PKHD1L1: variants seen among roughly 807,000 people sequenced by gnomAD.
PKHD1L1 encodes the protein fibrocystin-L.
A neutral mutation model predicts 462.9 loss-of-function variants in PKHD1L1; 434 were observed. The ratio of observed to expected loss-of-function variants is 0.94; its 90% CI spans 0.87 to 1.02. PKHD1L1 has a LOEUF of 1.02. PKHD1L1 is among the 50% of genes least tolerant of loss of function. The pLI is 0.00. For missense variants in PKHD1L1, 5,202 were observed against 5,096.1 expected (o/e 1.02, Z -0.63); for synonymous variants, 1,781 against 1,750.0 (o/e 1.02, Z -0.44).
intron 62 of PKHD1L1, among the ~76,000 whole-genome samples, chr8:109,493,093 A>T (rs1818912788): frequency 6.6e-6 from 1 of 151,262 alleles, no homozygotes; most frequent in East Asian, 1.9e-4. Context: ...GCTACTTGGG[A>T]GGTTGAGTTA....
intron 2 of PKHD1L1, 77 bp downstream of exon 2, chr8:109,364,713 G>A: frequency 2.1e-6 from 2 of 946,992 alleles, no homozygotes; most frequent in Non-Finnish European, 3.1e-6. Context: ...GAGCTTTATG[G>A]ACAAACAAAC....
At position 109,442,167 on chromosome 8, in the gene PKHD1L1, C is replaced by A. The variant is rs750031351; in HGVS notation, c.4365C>A (p.Phe1455Leu). 4 of 1,612,286 alleles carry A rather than the reference C, an allele frequency of 2.5e-6. No individual in the cohort carries two copies. In the South Asian group the frequency reaches 4.4e-5, roughly 18 times the overall value. ...GTGTAATTTATGATGGCAAAGGATT[C>A]ACAAGTGGAAGACAAAAATCTACAT... is the stretch of plus-strand genomic sequence containing the variant. ...PGSVIYDGKG[F>L]TSGRQKSTSG... The change falls in exon 35 of 78, where the codon TTC becomes TTA. Residue 1455 changes from phenylalanine (F) to leucine (L), a missense_variant. By Grantham distance (22) the Phe-to-Leu change is conservative. Around this residue, in one of 3 missense-constraint regions of PKHD1L1, gnomAD observed 4,497 missense variants for 4,336.8 expected, o/e 1.04. Coordinates refer to ENST00000378402, the MANE Select transcript of PKHD1L1 (RefSeq NM_177531.6).
In PKHD1L1 at chr8:109,481,520, T is replaced by C; in HGVS notation, c.9415T>C (p.Trp3139Arg). The change falls in exon 56 of 78, where the codon TGG (tryptophan) becomes CGG (arginine). Residue 3139 changes from tryptophan (W) to arginine (R), a missense_variant. Physicochemically the swap from Trp to Arg is moderately radical, Grantham distance 101 (BLOSUM62 -3). Coordinates refer to ENST00000378402, the MANE Select transcript of PKHD1L1 (RefSeq NM_177531.6). ...VLRGNHTTQD[W>R]ALPEGPNQGA... is the part of the protein sequence containing the mutation. Reference sequence around the variant, plus strand: ...TAGAGGAAATCATACTACACAAGACTGGGCTCTTCCAGAAGGACCAAATCA... The same window carrying C: ...TAGAGGAAATCATACTACACAAGACCGGGCTCTTCCAGAAGGACCAAATCA... 6.3e-7 allele frequency: 1 copy of C among 1,596,148 alleles called. No homozygotes were observed. Among genetic ancestry groups the C allele is most frequent in the Non-Finnish European group, 8.5e-7 (1 of 1,170,382 alleles).
rs560867644 is a variant in PKHD1L1 at position 109,508,732 on chromosome 8, AT to A, written c.11395+469del. On this transcript the variant is annotated intron_variant, in intron 70 of 77. Coordinates refer to ENST00000378402, the MANE Select transcript of PKHD1L1 (RefSeq NM_177531.6). ...ATGCTCATGAATCTTTGGAAGACTT[AT>A]CTTGCTATCAACATGTTTTTTCGTC... Among the ~76,000 whole-genome samples, 61 of 152,270 alleles carry A rather than the reference AT, an allele frequency of 4.0e-4. No individual in the cohort carries two copies. The South Asian group carries it at 0.012, about 29-fold the overall frequency.
chr8:109,457,019 A>G (rs1782704166), intron 46 of PKHD1L1, among the ~76,000 whole-genome samples: 1 of 152,168 alleles, frequency 6.6e-6, no homozygotes, highest in South Asian at 2.1e-4. Flanking sequence ...CAAATAAGAC[A>G]TAAAAGAAAG....
rs1465927409 is a variant in PKHD1L1 at position 109,530,976 on chromosome 8, T to C, written c.*886T>C. Among the ~76,000 whole-genome samples the C allele has an allele frequency of 6.6e-6, 1 of 152,176 alleles. No homozygotes were observed. Among genetic ancestry groups the C allele is most frequent in the Non-Finnish European group, 1.5e-5 (1 of 68,024 alleles). ...AATGCAAAAAAGCTACAGACTAAGG[T>C]AGCTAAGTTAACCGAACTCTCTAAC... On this transcript the variant is annotated 3_prime_UTR_variant, in exon 78 of 78. Transcript: ENST00000378402.
At position 109,486,952 on chromosome 8, in the gene PKHD1L1, G is replaced by A. The variant is rs1006506428; in HGVS notation, c.9880+131G>A. ...AAAATAAAGCATTAAAAGTGATTATGTAGCCCAGTTTTTACCTTCCAAGTA... is the reference window on the plus strand; with the variant it reads ...AAAATAAAGCATTAAAAGTGATTATATAGCCCAGTTTTTACCTTCCAAGTA... On this transcript the variant is annotated intron_variant, in intron 59 of 77. Coordinates refer to ENST00000378402, the MANE Select transcript of PKHD1L1 (RefSeq NM_177531.6). 11 of 930,716 alleles carry A rather than the reference G, an allele frequency of 1.2e-5. No homozygotes were observed. The African/African-American group carries it at 1.7e-4, about 14-fold the overall frequency. The allele number at this position is 930,716 out of a possible 1,614,324, so 57.7% of individuals were successfully genotyped here.
In PKHD1L1 at chr8:109,520,515, C is replaced by A. The variant is rs139212194; in HGVS notation, c.12032-1671C>A. Among the ~76,000 whole-genome samples, 5 of 152,210 alleles carry A rather than the reference C, an allele frequency of 3.3e-5. No homozygotes were observed. The East Asian group carries it at 9.7e-4, about 29-fold the overall frequency. On this transcript the variant is annotated intron_variant, in intron 73 of 77. Transcript: ENST00000378402. ...AGATTTATCCAGACAGGTATAAGACCACTGAAGAATGTAGAAGTTAGGGAT... is the reference window on the plus strand; with the variant it reads ...AGATTTATCCAGACAGGTATAAGACAACTGAAGAATGTAGAAGTTAGGGAT...
At position 109,429,968 on chromosome 8, in the gene PKHD1L1, TC is replaced by T. The variant is rs1220119637; in HGVS notation, c.3161del (p.Ser1054Ter). 2 of 1,612,110 alleles carry T rather than the reference TC, an allele frequency of 1.2e-6. No individual in the cohort carries two copies. Among genetic ancestry groups the T allele is most frequent in the Non-Finnish European group, 1.7e-6 (2 of 1,179,208 alleles). On this transcript the variant is annotated frameshift_variant, in exon 27 of 78. Coordinates refer to ENST00000378402, the MANE Select transcript of PKHD1L1 (RefSeq NM_177531.6). LOFTEE classifies it high-confidence loss of function. ...VYVNGIPAKC[S>X]GDCGFTWDSN... Reference sequence around the variant, plus strand: ...TGTCAATGGAATTCCAGCTAAATGTTCAGGTGACTGTGGATTTACATGGGAT... The same window carrying T: ...TGTCAATGGAATTCCAGCTAAATGTTAGGTGACTGTGGATTTACATGGGAT...
At chr8:109,452,095 A>G (rs752656704) in intron 41 of PKHD1L1, 29 bp from the exon 42 acceptor site, 36 of 1,595,286 alleles carry the variant, frequency 2.3e-5, no homozygotes, top group South Asian at 1.0e-4. Flanking sequence ...AGAAAAACAT[A>G]CATGTTATGT....
At chr8:109,446,312 T>C (rs1322118345) in intron 38 of PKHD1L1, among the ~76,000 whole-genome samples, 1 of 152,218 alleles carries the variant, frequency 6.6e-6, no homozygotes, top group Non-Finnish European at 1.5e-5. Flanking sequence ...AGCATAATAG[T>C]TGAGAGCTTG....
chr8:109,398,626 T>A lies in PKHD1L1; in HGVS notation c.1012+78T>A, dbSNP rs1813097139. On this transcript the variant is annotated intron_variant, in intron 12 of 77. Transcript: ENST00000378402. ...TATTAGTAAAAAATATTATTTAAAT[T>A]TTTAGAATTTAGAATTTGTAGTAAG... 18 of 602,548 alleles carry A rather than the reference T, an allele frequency of 3.0e-5. No homozygotes were observed. In the East Asian group the frequency reaches 6.5e-4, roughly 22 times the overall value. 37.3% of individuals were successfully genotyped at this position (602,548 alleles called of 1,614,324 possible).
intron 49 of PKHD1L1, 145 bp downstream of exon 49, chr8:109,465,390 G>A: frequency 1.2e-6 from 1 of 862,884 alleles, no homozygotes; most frequent in Non-Finnish European, 1.7e-6. Context: ...ATAGAGGCAA[G>A]CACCAGGCAC....
Position 109,504,431 on chromosome 8 carries a change from A to T in PKHD1L1, c.10933A>T (p.Asn3645Tyr). 1 of 1,564,622 alleles carries T rather than the reference A, an allele frequency of 6.4e-7. No homozygotes were observed. Among genetic ancestry groups the T allele is most frequent in the Non-Finnish European group, 8.7e-7 (1 of 1,146,708 alleles). The change falls in exon 68 of 78, where the codon AAT becomes TAT. Residue 3645 changes from asparagine to tyrosine, a missense_variant. Physicochemically the swap from Asn to Tyr is moderately radical, Grantham distance 143 (BLOSUM62 -2). Coordinates refer to ENST00000378402, the MANE Select transcript of PKHD1L1 (RefSeq NM_177531.6). Reference protein sequence around the residue: ...EDLQHPIHVKNIKLVDTTEQS... With the variant: ...EDLQHPIHVKYIKLVDTTEQS... ...TTTACAGCATCCAATCCATGTGAAG[A>T]ATATAAAACTGGTTGATACCACTGA... is the stretch of plus-strand genomic sequence containing the variant.
At chr8:109,477,096 C>T in intron 52 of PKHD1L1, 129 bp from the exon 53 acceptor site, 2 of 774,576 alleles carry the variant, frequency 2.6e-6, no homozygotes, top group Non-Finnish European at 4.2e-6. Context: ...TTCTCCATAC[C>T]TCTTCCATAC....
rs771832168 is a variant in PKHD1L1 at position 109,443,828 on chromosome 8, C to A, written c.4717C>A (p.Pro1573Thr). 4 of 1,613,846 alleles carry A rather than the reference C, an allele frequency of 2.5e-6. No homozygotes were observed. The Admixed American group carries it at 6.7e-5, about 27-fold the overall frequency. Residue 1573 changes from proline to threonine, a missense_variant, in exon 37 of 78, where the codon CCG becomes ACG. Coordinates refer to ENST00000378402, the MANE Select transcript of PKHD1L1 (RefSeq NM_177531.6). Reference sequence around the variant, plus strand: ...TTCACCATCTATAAGCAACATTACTCCGTCCACTGGAACAGTAAATGAACT... The same window carrying A: ...TTCACCATCTATAAGCAACATTACTACGTCCACTGGAACAGTAAATGAACT... ...CFSPSISNIT[P>T]STGTVNELIT...
At position 109,466,720 on chromosome 8, in the gene PKHD1L1, T is replaced by C; in HGVS notation, c.8556T>C (p.Pro2852=). 6.2e-7 allele frequency: 1 copy of C among 1,613,054 alleles called. No homozygotes were observed. The change falls in exon 50 of 78, where the codon CCT becomes CCC. Residue 2852 remains proline, a synonymous_variant. Transcript: ENST00000378402. The part of the protein sequence containing the change: ...VSFHRLAFNQ[P]SPVSLLEKDV... ...TTCACCGTTTAGCGTTCAACCAGCCTTCTCCAGTATCTCTGCTTGAAAAGG... is the reference window on the plus strand; with the variant it reads ...TTCACCGTTTAGCGTTCAACCAGCCCTCTCCAGTATCTCTGCTTGAAAAGG...
At chr8:109,440,115 C>T (rs112225420) in intron 32 of PKHD1L1, among the ~76,000 whole-genome samples, 1,522 of 151,926 alleles carry the variant, frequency 0.01, 31 homozygotes, top group African/African-American at 0.035. Flanking sequence ...TCTGCAGTTA[C>T]GAGGGAAGTT....
chr8:109,485,051 AAG>A lies in PKHD1L1; in HGVS notation c.9588_9589del (p.Glu3196AspfsTer20). The stretch of plus-strand genomic sequence containing the variant: ...CACTTGAATTTTTCTAAGGAGGGAG[AAG>A]AGATTGTGATAACAACCACAAGCTA... On this transcript the variant is annotated frameshift_variant, in exon 58 of 78. Transcript: ENST00000378402. LOFTEE classifies it high-confidence loss of function. 6.3e-7 allele frequency: 1 copy of A among 1,589,898 alleles called. No homozygotes were observed. Among genetic ancestry groups the A allele is most frequent in the East Asian group, 2.3e-5 (1 of 44,198 alleles).
Sources: gnomAD v4.1 joint callset for allele counts (sites outside exome capture counted in the v4.1 genomes callset) on GRCh38, gnomAD v4.1.1 for gene constraint, gnomAD v4.1.1 regional missense constraint, MANE v1.5 for transcripts, NCBI Gene and HGNC (gene_info 2026-07-23, HGNC 2026-07-21) for gene names.